ZFP82: variants seen among roughly 807,000 people sequenced by gnomAD.
ZFP82 encodes the protein zinc finger protein 82 homolog.
A neutral mutation model predicts 54.0 loss-of-function variants in ZFP82; 30 were observed. The ratio of observed to expected loss-of-function variants is 0.56; its 90% CI spans 0.42 to 0.75. The LOEUF (loss-of-function observed/expected upper bound fraction) is 0.75. ZFP82 is among the 30% of genes least tolerant of loss of function. ZFP82 has a pLI of 0.00. For synonymous variants in ZFP82, 194 were observed against 209.5 expected, an observed-to-expected ratio of 0.93 and a Z score of 0.64; for missense variants, 500 against 636.8, an observed-to-expected ratio of 0.79 and a Z score of 2.31.
downstream of ZFP82, among the ~76,000 whole-genome samples, chr19:36,387,693 C>T (rs974533505): frequency 3.3e-5 from 5 of 152,236 alleles, no homozygotes; most frequent in Non-Finnish European, 2.9e-5. Context: ...TCTCAGCTCA[C>T]TGCAACCTCC....
intron 4 of ZFP82, chr19:36,395,070 A>C (rs1413168991): frequency 6.6e-6 from 1 of 152,140 alleles, no homozygotes; most frequent in Non-Finnish European, 1.5e-5. Context: ...TATTCTCTTT[A>C]TTCATCCAGG....
At chr19:36,415,951 C>G (rs1600113333) in intron 1 of ZFP82, among the ~76,000 whole-genome samples, 1 of 152,330 alleles carries the variant, frequency 6.6e-6, no homozygotes, top group South Asian at 2.1e-4. Flanking sequence ...TATACCAAAG[C>G]AGACAGAACA....
chr19:36,407,998 T>C lies in ZFP82; in HGVS notation c.25A>G (p.Ser9Gly). The C allele has an allele frequency of 1.2e-6, 2 of 1,613,666 alleles. No homozygotes were observed. Among genetic ancestry groups the C allele is most frequent in the Non-Finnish European group, 1.7e-6 (2 of 1,179,832 alleles). The change falls in exon 3 of 5, where the codon AGT (serine) becomes GGT (glycine). Residue 9 changes from serine to glycine, a missense_variant. Coordinates refer to ENST00000392161, the MANE Select transcript of ZFP82 (RefSeq NM_133466.4). ...GGAGAGAAGTCTATGGATACATCACTGAACATCACTGATCGCTGAAATGAC... is the reference window on the plus strand; with the variant it reads ...GGAGAGAAGTCTATGGATACATCACCGAACATCACTGATCGCTGAAATGAC... MALRSVMF[S>G]DVSIDFSPEE...
At chr19:36,396,604 C>T (rs1457625054) in intron 4 of ZFP82, among the ~76,000 whole-genome samples, 1 of 151,750 alleles carries the variant, frequency 6.6e-6, no homozygotes, top group Admixed American at 6.6e-5. Flanking sequence ...TGCAGTGAGC[C>T]GAGATCGCGC....
Position 36,391,295 on chromosome 19 carries a change from CA to C in ZFP82, c.*1445del, listed in dbSNP as rs1336034375. ...GGTCATGATAAAAGGACACAGGAGC[CA>C]ATTTGAGGGGATTGCCTCAAAATGC... On this transcript the variant is annotated 3_prime_UTR_variant, in exon 5 of 5. Transcript: ENST00000392161. 1 of 151,070 alleles carries C rather than the reference CA, an allele frequency of 6.6e-6. No homozygotes were observed. The highest frequency in any genetic ancestry group is 1.5e-5 in the Non-Finnish European group (1 of 67,828). 9.4% of individuals were successfully genotyped at this position (151,070 alleles called of 1,614,324 possible).
chr19:36,393,959 A>T lies in ZFP82; in HGVS notation c.381T>A (p.Ile127=). The part of the protein sequence containing the change: ...LKNDWESTGK[I]EGQERPQEGY... ...CTTCTTGAGGTCTCTCCTGTCCTTC[A>T]ATTTTTCCTGTGGATTCCCAATCAT... Residue 127 remains isoleucine (I), a synonymous_variant, in exon 5 of 5, where the codon ATT becomes ATA. Transcript: ENST00000392161. 6.2e-7 allele frequency: 1 copy of T among 1,613,746 alleles called. No individual in the cohort carries two copies. Among genetic ancestry groups the T allele is most frequent in the South Asian group, 1.1e-5 (1 of 90,948 alleles).
chr19:36,395,990 G>A (rs2032286472), intron 4 of ZFP82: 1 of 152,246 alleles, frequency 6.6e-6, no homozygotes, highest in Middle Eastern at 3.4e-3. Flanking sequence ...CTGCCTCCTG[G>A]GTTCAAGCGA....
Position 36,391,476 on chromosome 19 carries a change from T to TG in ZFP82, c.*1264_*1265insC, listed in dbSNP as rs1418552559. ...GGCCAGAGAATACTGATTGTAGTTTTTTTTTTTTTTTGAGACAGGGTCTTG... is the reference window on the plus strand; with the variant it reads ...GGCCAGAGAATACTGATTGTAGTTTTGTTTTTTTTTTTGAGACAGGGTCTTG... On this transcript the variant is annotated 3_prime_UTR_variant, in exon 5 of 5. Coordinates refer to ENST00000392161, the MANE Select transcript of ZFP82 (RefSeq NM_133466.4). 4 of 151,718 alleles carry TG rather than the reference T, an allele frequency of 2.6e-5. No individual in the cohort carries two copies. The highest frequency in any genetic ancestry group is 9.7e-5 in the African/African-American group (4 of 41,324). 9.4% of individuals were successfully genotyped at this position (151,718 alleles called of 1,614,324 possible).
rs2032153039 is a variant in ZFP82 at position 36,389,168 on chromosome 19, T to C, written c.*3573A>G. 6.6e-6 allele frequency among the ~76,000 whole-genome samples: 1 copy of C among 151,792 alleles called. No homozygotes were observed. Among genetic ancestry groups the C allele is most frequent in the Non-Finnish European group, 1.5e-5 (1 of 67,996 alleles). On this transcript the variant is annotated 3_prime_UTR_variant, in exon 5 of 5. Coordinates refer to ENST00000392161, the MANE Select transcript of ZFP82 (RefSeq NM_133466.4). ...GATTTTCCTGCCTCAGCCTCCCGAG[T>C]AGCTGGGACTACAGGCGTGCCACCA...
chr19:36,400,808 C>T (rs1462252088), intron 4 of ZFP82, among the ~76,000 whole-genome samples: 7 of 152,210 alleles, frequency 4.6e-5, no homozygotes, highest in African/African-American at 1.2e-4. Context: ...AACCCTATTT[C>T]CCAGCTTCCC....
intron 4 of ZFP82, 69 bp from the exon 5 acceptor site, chr19:36,394,179 G>A (rs2032256825): frequency 3.0e-6 from 4 of 1,347,598 alleles, no homozygotes; most frequent in East Asian, 4.7e-5. Flanking sequence ...TTCTAATGTA[G>A]AAATAAAAGA....
chr19:36,385,308 AAT>A (rs1254226021), downstream of ZFP82, among the ~76,000 whole-genome samples: 3 of 152,166 alleles, frequency 2.0e-5, no homozygotes, highest in African/African-American at 4.8e-5. Context: ...TCAGCCTGTC[AAT>A]CTTGGGCTTC....
At chr19:36,410,284 A>G (rs965551531) in intron 1 of ZFP82, among the ~76,000 whole-genome samples, 1 of 152,132 alleles carries the variant, frequency 6.6e-6, no homozygotes, top group Non-Finnish European at 1.5e-5. Context: ...CAGAATCAGA[A>G]TCATCCACAT....
chr19:36,416,594 T>C (rs1039990447), intron 1 of ZFP82, among the ~76,000 whole-genome samples: 7 of 151,280 alleles, frequency 4.6e-5, no homozygotes, highest in African/African-American at 1.7e-4. Flanking sequence ...CCGTCTCTAC[T>C]AAAAATACAA....
At chr19:36,409,088 T>C (rs907471848) in intron 2 of ZFP82, among the ~76,000 whole-genome samples, 5 of 152,014 alleles carry the variant, frequency 3.3e-5, no homozygotes, top group Non-Finnish European at 4.4e-5. Context: ...GACCAGCACA[T>C]CCTGTTCAAC....
chr19:36,411,899 T>C (rs1233888120), intron 1 of ZFP82, among the ~76,000 whole-genome samples: 5 of 147,762 alleles, frequency 3.4e-5, no homozygotes, highest in Admixed American at 3.4e-4. Flanking sequence ...ATTAAATAAA[T>C]CATAAAGCAT....
intron 1 of ZFP82, among the ~76,000 whole-genome samples, chr19:36,410,457 G>A (rs1181443360): frequency 6.7e-6 from 1 of 149,478 alleles, no homozygotes; most frequent in Non-Finnish European, 1.5e-5. Flanking sequence ...GTGTATATGT[G>A]TGTGTATATA....
chr19:36,401,922 G>A (rs2032391157), intron 4 of ZFP82, among the ~76,000 whole-genome samples: 1 of 152,028 alleles, frequency 6.6e-6, no homozygotes, highest in Non-Finnish European at 1.5e-5. Context: ...ATCACCTCAA[G>A]AAAGTCATCT....
At chr19:36,387,582 CA>C, downstream of ZFP82, among the ~76,000 whole-genome samples, 1 of 152,206 alleles carries the variant, frequency 6.6e-6, no homozygotes, top group Middle Eastern at 3.4e-3. Context: ...AACTGCGAGC[CA>C]ATTTCTGTTC....
Sources: allele counts gnomAD v4.1 joint callset (sites outside exome capture counted in the v4.1 genomes callset), GRCh38; gene constraint gnomAD v4.1.1; transcripts MANE v1.5; gene names NCBI Gene and HGNC (gene_info 2026-07-23, HGNC 2026-07-21).